Variants in ADCY3 observed in about 807,000 individuals in gnomAD.
The protein encoded by ADCY3 is adenylate cyclase 3.
Under a neutral mutation model 119.4 loss-of-function variants are expected in ADCY3, and 70 were observed. That is an observed-to-expected ratio of 0.59 (90% CI 0.48 to 0.72). The LOEUF is 0.72. Among genes scored for constraint, ADCY3 ranks in the 30% least tolerant of loss-of-function variants. ADCY3 has a pLI of 0.00. For synonymous variants in ADCY3, 672 were observed against 621.4 expected, an observed-to-expected ratio of 1.08 and a Z score of -1.21; for missense variants, 1,238 against 1,541.6, an observed-to-expected ratio of 0.80 and a Z score of 3.30.
At chr2:24,895,425 C>A (rs1046422276) in intron 2 of ADCY3, among the ~76,000 whole-genome samples, 7 of 152,100 alleles carry the variant, frequency 4.6e-5, no homozygotes, top group Admixed American at 2.0e-4. Flanking sequence ...TGTTTGTATT[C>A]TGTTGAGCTT....
At chr2:24,823,973 G>A (rs549744186) in intron 17 of ADCY3, among the ~76,000 whole-genome samples, 1 of 152,298 alleles carries the variant, frequency 6.6e-6, no homozygotes, top group Non-Finnish European at 1.5e-5. Flanking sequence ...GGGATTACAG[G>A]CATGAGCCAC....
chr2:24,820,687 G>A (rs757033933), intron 21 of ADCY3, 37 bp downstream of exon 21: 43 of 1,612,634 alleles, frequency 2.7e-5, no homozygotes, highest in Non-Finnish European at 3.4e-5. Context: ...TTCTCATGCC[G>A]AGTCTGAGCA....
Position 24,872,459 on chromosome 2 carries a change from T to A in ADCY3, c.825+111A>T. The A allele has an allele frequency of 7.5e-7, 1 of 1,342,144 alleles. No homozygotes were observed. Among genetic ancestry groups the A allele is most frequent in the Non-Finnish European group, 1.0e-6 (1 of 978,888 alleles). 83.1% of individuals were successfully genotyped at this position (1,342,144 alleles called of 1,614,324 possible). On this transcript the variant is annotated intron_variant, in intron 3 of 21. Coordinates refer to ENST00000679454, the MANE Select transcript of ADCY3 (RefSeq NM_004036.5). The surrounding 1 kb of genome is among the most constrained non-coding windows in gnomAD (Gnocchi z 4.4). ...GAAGCAAACACCTGAACAGGGTGGA[T>A]GAACGCCAAGCCCCACGGAGCCAGG...
intron 3 of ADCY3, among the ~76,000 whole-genome samples, chr2:24,868,454 A>G (rs535012542): frequency 8.2e-4 from 125 of 152,200 alleles, no homozygotes; most frequent in African/African-American, 2.9e-3. Flanking sequence ...TTTCGAGACC[A>G]GCCTGACCAA....
intron 2 of ADCY3, among the ~76,000 whole-genome samples, chr2:24,895,545 T>C (rs964023217): frequency 6.6e-6 from 1 of 152,178 alleles, no homozygotes; most frequent in Non-Finnish European, 1.5e-5. Flanking sequence ...CAATTAAACA[T>C]ATTAGGGTCT....
Position 24,839,908 on chromosome 2 carries a change from A to G in ADCY3, c.1320T>C (p.Thr440=). The change falls in exon 7 of 22, where the codon ACT becomes ACC. Residue 440 remains threonine, a synonymous_variant. Coordinates refer to ENST00000679454, the MANE Select transcript of ADCY3 (RefSeq NM_004036.5). ...WQYDVWSTDV[T]VANKMEAGGI... ...CGCCGGCCTCCATCTTGTTGGCTAC[A>G]GTGACATCAGTCGACCACACGTCGT... 1 of 1,613,844 alleles carries G rather than the reference A, an allele frequency of 6.2e-7. No homozygotes were observed. Among genetic ancestry groups the G allele is most frequent in the South Asian group, 1.1e-5 (1 of 91,086 alleles).
intron 14 of ADCY3, 31 bp downstream of exon 14, chr2:24,827,871 A>G: frequency 6.2e-7 from 1 of 1,612,484 alleles, no homozygotes; most frequent in Non-Finnish European, 8.5e-7. Context: ...GGAAGGAGAC[A>G]ATACAGATCC....
chr2:24,867,827 A>G lies in ADCY3; in HGVS notation c.825+4743T>C, dbSNP rs543608485. 2.8e-4 allele frequency among the ~76,000 whole-genome samples: 42 copies of G among 152,332 alleles called. No individual in the cohort carries two copies. In the South Asian group the frequency reaches 7.3e-3, roughly 26 times the overall value. On this transcript the variant is annotated intron_variant, in intron 3 of 21. Transcript: ENST00000679454. ...AAGAATATTACATAAAATAATCACA[A>G]TAAGGACTTGTGGGGTTTAAAATAT...
At chr2:24,910,471 C>T (rs1663452487) in intron 2 of ADCY3, among the ~76,000 whole-genome samples, 1 of 152,094 alleles carries the variant, frequency 6.6e-6, no homozygotes, top group South Asian at 2.1e-4. Context: ...CAGTGGATAA[C>T]TAAAACACAT....
chr2:24,882,381 C>G (rs1275189815), intron 2 of ADCY3, among the ~76,000 whole-genome samples: 1 of 152,140 alleles, frequency 6.6e-6, no homozygotes, highest in Admixed American at 6.6e-5. Context: ...ACACTTGGCC[C>G]GTCTCTGGGA....
intron 2 of ADCY3, among the ~76,000 whole-genome samples, chr2:24,912,240 A>G (rs2149059822): frequency 6.6e-6 from 1 of 151,944 alleles, no homozygotes; most frequent in Admixed American, 6.6e-5. Context: ...AGGTGGGTGA[A>G]CCGCCTGAGC....
intron 3 of ADCY3, among the ~76,000 whole-genome samples, chr2:24,854,364 A>G (rs1304585079): frequency 1.3e-5 from 2 of 152,182 alleles, no homozygotes; most frequent in African/African-American, 4.8e-5. Context: ...GGTACAGCAA[A>G]GCTCACTGAT....
chr2:24,822,177 A>C (rs1572773564), intron 19 of ADCY3: 1 of 223,236 alleles, frequency 4.5e-6, no homozygotes, highest in East Asian at 1.0e-4. Context: ...GGCTGCCGTC[A>C]GCCAGAGTTC....
intron 13 of ADCY3, among the ~76,000 whole-genome samples, chr2:24,828,543 G>A (rs1048457432): frequency 1.3e-5 from 2 of 152,116 alleles, no homozygotes; most frequent in Admixed American, 6.5e-5. Flanking sequence ...GAGGGGCCAC[G>A]GGACCATGAG....
At chr2:24,859,573 G>A (rs1006394442) in intron 3 of ADCY3, among the ~76,000 whole-genome samples, 1 of 152,220 alleles carries the variant, frequency 6.6e-6, no homozygotes, top group African/African-American at 2.4e-5. Flanking sequence ...CTTGGGCAAA[G>A]GTTACAGAGG....
chr2:24,825,346 GGGTGC>G (rs1668454889), intron 16 of ADCY3, among the ~76,000 whole-genome samples: 3 of 19,414 alleles, frequency 1.5e-4, no homozygotes, highest in Middle Eastern at 0.031. Context: ...GGGGGGGGGG[GGGTGC>G]GGGGGGGGTG....
rs1248146184 is a variant in ADCY3 at position 24,838,774 on chromosome 2, ACTAACTAGCTGTGTGGGCCG to A, written c.1356-172_1356-153del. On this transcript the variant is annotated intron_variant, in intron 7 of 21. Coordinates refer to ENST00000679454, the MANE Select transcript of ADCY3 (RefSeq NM_004036.5). ...GAGGCCAAGTGGAGGCAGTTCTGCCACTAACTAGCTGTGTGGGCCGCTAACTAGCTGTGTGGGCCGCTAAC... is the reference window on the plus strand; with the variant it reads ...GAGGCCAAGTGGAGGCAGTTCTGCCACTAACTAGCTGTGTGGGCCGCTAAC... The A allele has an allele frequency of 4.8e-4, 767 of 1,591,750 alleles. 4 individuals are homozygous for A. The highest frequency in any genetic ancestry group is 3.5e-3 in the African/African-American group (263 of 74,470).
intron 3 of ADCY3, among the ~76,000 whole-genome samples, chr2:24,849,670 T>A (rs1201707978): frequency 6.6e-6 from 1 of 151,986 alleles, no homozygotes; most frequent in Non-Finnish European, 1.5e-5. Flanking sequence ...CTACCTGGAG[T>A]CATTCTGGTA....
chr2:24,827,432 A>G (rs1407539138), intron 15 of ADCY3, 114 bp downstream of exon 15: 1 of 1,121,608 alleles, frequency 8.9e-7, no homozygotes, highest in Admixed American at 2.0e-5. Flanking sequence ...ACCTGCACGT[A>G]TCAGGTCACG....
Sources: gnomAD v4.1 joint callset for allele counts (sites outside exome capture counted in the v4.1 genomes callset) on GRCh38, gnomAD v4.1.1 for gene constraint, Gnocchi (gnomAD v3.1) non-coding constraint, MANE v1.5 for transcripts, NCBI Gene and HGNC (gene_info 2026-07-23, HGNC 2026-07-21) for gene names.